Variants in PPM1E observed in about 807,000 individuals in gnomAD.
The protein encoded by PPM1E is protein phosphatase 1E.
A neutral mutation model predicts 65.9 loss-of-function variants in PPM1E; 20 were observed. That is an observed-to-expected ratio of 0.30 (90% confidence interval 0.21 to 0.44). PPM1E has a LOEUF of 0.44. PPM1E is among the 20% of genes least tolerant of loss of function. PPM1E has a pLI of 1.00. For synonymous variants in PPM1E, 352 were observed against 374.9 expected (o/e 0.94, Z 0.70); for missense variants, 713 against 953.1 (o/e 0.75, Z 3.32).
chr17:58,840,359 A>G (rs973959430), intron 1 of PPM1E, among the ~76,000 whole-genome samples: 6 of 152,220 alleles, frequency 3.9e-5, no homozygotes, highest in Admixed American at 2.6e-4. Context: ...AGCATAGGCT[A>G]TCTGGCATGG....
In PPM1E at chr17:58,984,082, T is replaced by C. The variant is rs965383076; in HGVS notation, c.*3051T>C. 3 of 152,622 alleles carry C rather than the reference T, an allele frequency of 2.0e-5. No individual in the cohort carries two copies. Among genetic ancestry groups the C allele is most frequent in the South Asian group, 2.1e-4 (1 of 4,838 alleles). 9.5% of individuals were successfully genotyped at this position (152,622 alleles called of 1,614,324 possible). A position where few individuals can be genotyped will look rare whatever the true frequency, so the allele number is the denominator to read the frequency against. On this transcript the variant is annotated 3_prime_UTR_variant, in exon 7 of 7. Transcript: ENST00000308249. ...TAAAGAGGATGGGTAGAAACACATA[T>C]GTATATACCTTTTCTTTACCTAGAA...
intron 1 of PPM1E, among the ~76,000 whole-genome samples, chr17:58,947,755 CAATT>C (rs2052181721): frequency 6.6e-6 from 1 of 152,048 alleles, no homozygotes; most frequent in Admixed American, 6.6e-5. Flanking sequence ...TGGCATAAAA[CAATT>C]ATTTATTATG....
chr17:58,973,066 T>A (rs1329668648), intron 6 of PPM1E, 141 bp downstream of exon 6: 2 of 592,900 alleles, frequency 3.4e-6, no homozygotes, highest in Non-Finnish European at 6.0e-6. Flanking sequence ...TTGGATAACG[T>A]CTCTTTTAAT....
intron 1 of PPM1E, among the ~76,000 whole-genome samples, chr17:58,949,027 G>A (rs1416078180): frequency 6.6e-6 from 1 of 152,156 alleles, no homozygotes; most frequent in African/African-American, 2.4e-5. Context: ...TTAGAGCTAT[G>A]CTATGGTTTA....
At chr17:58,824,955 A>G (rs1024066388) in intron 1 of PPM1E, among the ~76,000 whole-genome samples, 2 of 151,824 alleles carry the variant, frequency 1.3e-5, no homozygotes. Flanking sequence ...GAGAGAAGCA[A>G]TTCATTTAAA....
chr17:58,973,294 G>A (rs1481692833), intron 6 of PPM1E, among the ~76,000 whole-genome samples: 8 of 151,836 alleles, frequency 5.3e-5, no homozygotes, highest in East Asian at 1.9e-4. Context: ...GCGGGCGCCT[G>A]TAATCCCAGC....
intron 1 of PPM1E, among the ~76,000 whole-genome samples, chr17:58,794,490 G>A (rs1167379150): frequency 6.6e-6 from 1 of 152,168 alleles, no homozygotes; most frequent in Non-Finnish European, 1.5e-5. Context: ...GGGGTTTGGT[G>A]TACAGATTAT....
intron 2 of PPM1E, among the ~76,000 whole-genome samples, chr17:58,964,733 TAAAC>T (rs746731845): frequency 5.3e-5 from 8 of 152,088 alleles, no homozygotes; most frequent in Admixed American, 2.6e-4. Context: ...AAAACTTTAA[TAAAC>T]AAATAATATC....
At chr17:58,772,498 C>T (rs1169949370) in intron 1 of PPM1E, among the ~76,000 whole-genome samples, 5 of 151,154 alleles carry the variant, frequency 3.3e-5, no homozygotes, top group African/African-American at 1.2e-4. Context: ...TTTATGGGGA[C>T]ACTGAGACAC....
intron 1 of PPM1E, among the ~76,000 whole-genome samples, chr17:58,787,504 C>A (rs1179448103): frequency 6.6e-6 from 1 of 151,768 alleles, no homozygotes; most frequent in East Asian, 1.9e-4. Context: ...TATTCTTGGA[C>A]CCATGGACTA....
chr17:58,880,692 C>T (rs8073122), intron 1 of PPM1E, among the ~76,000 whole-genome samples: 9 of 152,060 alleles, frequency 5.9e-5, no homozygotes, highest in African/African-American at 2.2e-4. Context: ...GACACGATCT[C>T]GGCTCACTGC....
At chr17:58,969,784 T>G in intron 4 of PPM1E, 57 bp downstream of exon 4, 3 of 1,540,140 alleles carry the variant, frequency 1.9e-6, no homozygotes, top group Non-Finnish European at 2.7e-6. Context: ...CTCAATTTGG[T>G]CTGTGTGGTT....
chr17:58,832,137 C>T (rs2050612447), intron 1 of PPM1E, among the ~76,000 whole-genome samples: 1 of 152,148 alleles, frequency 6.6e-6, no homozygotes, highest in Non-Finnish European at 1.5e-5. Context: ...GACTTAAAGA[C>T]AGTATTAGAA....
chr17:58,942,348 T>C (rs2052085008), intron 1 of PPM1E, among the ~76,000 whole-genome samples: 1 of 152,072 alleles, frequency 6.6e-6, no homozygotes, highest in African/African-American at 2.4e-5. Context: ...ACTGCATCAC[T>C]ACACTCCAGT....
intron 1 of PPM1E, among the ~76,000 whole-genome samples, chr17:58,819,728 G>A (rs1180871436): frequency 1.3e-5 from 2 of 151,850 alleles, no homozygotes; most frequent in Non-Finnish European, 2.9e-5. Flanking sequence ...GGAGGGAGGT[G>A]CTACATGCTT....
intron 1 of PPM1E, among the ~76,000 whole-genome samples, chr17:58,833,198 G>T (rs2050621997): frequency 6.6e-6 from 1 of 151,518 alleles, no homozygotes; most frequent in Non-Finnish European, 1.5e-5. Context: ...TCACATTTGG[G>T]ATATAGAACT....
intron 1 of PPM1E, 121 bp downstream of exon 1, chr17:58,756,582 T>A: frequency 8.7e-7 from 1 of 1,144,598 alleles, no homozygotes; most frequent in Non-Finnish European, 1.1e-6. Flanking sequence ...CACCCGCGCC[T>A]GCCGCCGCTG....
intron 6 of PPM1E, among the ~76,000 whole-genome samples, chr17:58,975,611 G>A (rs112214120): frequency 6.6e-6 from 1 of 152,178 alleles, no homozygotes; most frequent in African/African-American, 2.4e-5. Flanking sequence ...AATACACAGG[G>A]GTTTGAAAAG....
At chr17:58,763,209 G>A (rs1037790476) in intron 1 of PPM1E, among the ~76,000 whole-genome samples, 5 of 152,108 alleles carry the variant, frequency 3.3e-5, no homozygotes, top group Non-Finnish European at 7.3e-5. Context: ...GAGGAGCTGT[G>A]TTCTGTGAAG....
Sources: gnomAD v4.1 joint callset for allele counts (sites outside exome capture counted in the v4.1 genomes callset) on GRCh38, gnomAD v4.1.1 for gene constraint, MANE v1.5 for transcripts, NCBI Gene and HGNC (gene_info 2026-07-23, HGNC 2026-07-21) for gene names.